ZNF318: variants seen among roughly 807,000 people sequenced by gnomAD.
ZNF318 encodes endocrine regulator.
ZNF318 carries 51 observed loss-of-function variants against 124.2 expected under a neutral mutation model. The ratio of observed to expected loss-of-function variants is 0.41; its 90% CI spans 0.33 to 0.52. ZNF318 has a LOEUF of 0.52. Among genes scored for constraint, ZNF318 ranks in the 20% least tolerant of loss-of-function variants. The probability of loss-of-function intolerance (pLI) is 0.23; values close to 1 mark genes in which losing one functional copy is unlikely to be tolerated. For missense variants in ZNF318, 2,815 were observed against 2,811.2 expected, an observed-to-expected ratio of 1.00 and a Z score of -0.03; for synonymous variants, 1,090 against 1,040.7, an observed-to-expected ratio of 1.05 and a Z score of -0.91.
rs2150747800 is a variant in ZNF318, at chr6:43,337,596, C to T, written c.6402G>A (p.Met2134Ile). 6.2e-7 allele frequency: 1 copy of T among 1,614,142 alleles called. No homozygotes were observed. The highest frequency in any genetic ancestry group is 1.1e-5 in the South Asian group (1 of 91,082). ...HQALDLLAGG[M>I]MPEEVKESSQ... The stretch of plus-strand genomic sequence containing the variant: ...AAGATTCTTTTACTTCCTCAGGCAT[C>T]ATTCCTCCTGCTAACAGGTCAAGGG... The change falls in exon 10 of 10, where the codon ATG becomes ATA. Residue 2134 changes from methionine to isoleucine, a missense_variant. Met to Ile is a conservative substitution (Grantham distance 10, BLOSUM62 1). Coordinates refer to ENST00000361428, the MANE Select transcript of ZNF318 (RefSeq NM_014345.3).
chr6:43,341,081 C>T (rs1306258448), intron 8 of ZNF318, among the ~76,000 whole-genome samples, 173 bp from the exon 9 acceptor site: 3 of 152,200 alleles, frequency 2.0e-5, no homozygotes, highest in Non-Finnish European at 4.4e-5. Context: ...GTCTTTCCAA[C>T]CTAAGGCTTG....
rs530448306 is a variant in ZNF318 at position 43,346,158 on chromosome 6, C to A, written c.3072+2166G>T. ...TGCAGTGAGCGAAGATCACGCCACA[C>A]GCCACAGAATAAGACTCTGTTTCAA... On this transcript the variant is annotated intron_variant, in intron 6 of 9. Coordinates refer to ENST00000361428, the MANE Select transcript of ZNF318 (RefSeq NM_014345.3). Among the ~76,000 whole-genome samples, 11 of 130,366 alleles carry A rather than the reference C, an allele frequency of 8.4e-5. No individual in the cohort carries two copies. In the South Asian group the frequency reaches 2.4e-3, roughly 28 times the overall value. The allele number at this position is 130,366 out of a possible 152,430, so 85.5% of individuals were successfully genotyped here. A position where few individuals can be genotyped will look rare whatever the true frequency, so the allele number is the denominator to read the frequency against.
In ZNF318 at chr6:43,355,294, C is replaced by T. The variant is rs1779587928; in HGVS notation, c.2040G>A (p.Glu680=). 2 of 1,614,204 alleles carry T rather than the reference C, an allele frequency of 1.2e-6. No individual in the cohort carries two copies. Among genetic ancestry groups the T allele is most frequent in the Non-Finnish European group, 1.7e-6 (2 of 1,180,034 alleles). The change falls in exon 4 of 10, where the codon GAG becomes GAA. Residue 680 remains glutamate, a synonymous_variant. Transcript: ENST00000361428. ...GAGAGTGGGTATTGCTATGATGTGC[C>T]TCCCTGCTCTCTAGTCTGTGGGGAT... The part of the protein sequence containing the change: ...SSDPHRLESR[E]AHHSNTHSPE...
chr6:43,369,037 C>T lies in ZNF318; in HGVS notation c.329G>A (p.Ser110Asn). 1 of 1,397,716 alleles carries T rather than the reference C, an allele frequency of 7.2e-7. No individual in the cohort carries two copies. Among genetic ancestry groups the T allele is most frequent in the Non-Finnish European group, 9.3e-7 (1 of 1,072,010 alleles). The allele number at this position is 1,397,716 out of a possible 1,614,324, so 86.6% of individuals were successfully genotyped here. A position where few individuals can be genotyped will look rare whatever the true frequency, so the allele number is the denominator to read the frequency against. ...PPGPAGFRGS[S>N]RGESRADYAR... ...ATAGTCGGCGCGGGACTCCCCCCGGCTGCTGCCTCTGAAGCCGGCCGGGCC... is the reference window on the plus strand; with the variant it reads ...ATAGTCGGCGCGGGACTCCCCCCGGTTGCTGCCTCTGAAGCCGGCCGGGCC... The change falls in exon 1 of 10, where the codon AGC becomes AAC. Residue 110 changes from serine (S) to asparagine (N), a missense_variant. Ser to Asn is a conservative substitution (Grantham distance 46). This residue lies in a region of ZNF318 where 1,377 missense variants were observed against 1,353.5 expected (regional missense o/e 1.02). Transcript: ENST00000361428.
rs767048071 is a variant in ZNF318 at position 43,338,156 on chromosome 6, A to G, written c.5842T>C (p.Phe1948Leu). 2 of 1,613,842 alleles carry G rather than the reference A, an allele frequency of 1.2e-6. No homozygotes were observed. Reference sequence around the variant, plus strand: ...AACTCATAGATCTTTTTAACTTGAAAGTCTTTTGATCTTTCTCTCTTGAGT... The same window carrying G: ...AACTCATAGATCTTTTTAACTTGAAGGTCTTTTGATCTTTCTCTCTTGAGT... The part of the protein sequence containing the change: ...LKLKRERSKD[F>L]QVKKIYELAV... The change falls in exon 10 of 10, where the codon TTT becomes CTT. Residue 1948 changes from phenylalanine to leucine, a missense_variant. Phe to Leu is a conservative substitution (Grantham distance 22). This residue lies in a region of ZNF318 where 927 missense variants were observed against 820.6 expected (regional missense o/e 1.13). Coordinates refer to ENST00000361428, the MANE Select transcript of ZNF318 (RefSeq NM_014345.3).
In ZNF318 at chr6:43,338,423, C is replaced by A; in HGVS notation, c.5575G>T (p.Ala1859Ser). Reference protein sequence around the residue: ...SKVVIKLSPQACSFTKAKLDS... With the variant: ...SKVVIKLSPQSCSFTKAKLDS... ...AATTTTGCCTTTGTGAAAGAGCAAG[C>A]CTGTGGACTCAATTTGATCACTACT... Residue 1859 changes from alanine to serine, a missense_variant, in exon 10 of 10, where the codon GCT becomes TCT. Ala to Ser is a moderately conservative substitution (Grantham distance 99). Coordinates refer to ENST00000361428, the MANE Select transcript of ZNF318 (RefSeq NM_014345.3). 2 of 1,614,196 alleles carry A rather than the reference C, an allele frequency of 1.2e-6. No individual in the cohort carries two copies.
intron 2 of ZNF318, among the ~76,000 whole-genome samples, chr6:43,358,468 T>C (rs1244188088): frequency 6.6e-6 from 1 of 150,598 alleles, no homozygotes; most frequent in Non-Finnish European, 1.5e-5. Context: ...TTCACCATGT[T>C]AGCCAGGATG....
At chr6:43,351,068 C>T (rs1779516957) in intron 5 of ZNF318, among the ~76,000 whole-genome samples, 1 of 152,204 alleles carries the variant, frequency 6.6e-6, no homozygotes, top group African/African-American at 2.4e-5. Flanking sequence ...ACACCTGATA[C>T]AAACTCAGCA....
At chr6:43,345,229 G>C (rs1407056749) in intron 6 of ZNF318, among the ~76,000 whole-genome samples, 1 of 131,242 alleles carries the variant, frequency 7.6e-6, no homozygotes, top group African/African-American at 2.8e-5. Flanking sequence ...TTAGGTGACA[G>C]AGTGAGACCC....
chr6:43,340,050 C>A lies in ZNF318; in HGVS notation c.3948G>T (p.Lys1316Asn), dbSNP rs1211229661. 1 of 1,614,202 alleles carries A rather than the reference C, an allele frequency of 6.2e-7. No individual in the cohort carries two copies. Among genetic ancestry groups the A allele is most frequent in the East Asian group, 2.2e-5 (1 of 44,882 alleles). The change falls in exon 10 of 10, where the codon AAG becomes AAT. Residue 1316 changes from lysine (K) to asparagine (N), a missense_variant. By Grantham distance (94) the Lys-to-Asn change is moderately conservative. Transcript: ENST00000361428. ...DKEDGKTEAGKAKPIKIKLSG... is the reference protein window; with the variant it reads ...DKEDGKTEAGNAKPIKIKLSG... ...AGAGCTTGATTTTGATAGGCTTTGC[C>A]TTCCCAGCTTCAGTTTTGCCATCCT...
chr6:43,356,410 A>G lies in ZNF318; in HGVS notation c.1189-265T>C, dbSNP rs376570463. On this transcript the variant is annotated intron_variant, in intron 3 of 9. Transcript: ENST00000361428. ...ATTTGTTAAAAGGAATTTGAATTCA[A>G]AAGAATTTTAGAGATCCCCTAGCTT... 8.5e-5 allele frequency among the ~76,000 whole-genome samples: 13 copies of G among 152,332 alleles called. 1 individual carries two copies. In the South Asian group the frequency reaches 2.7e-3, roughly 32 times the overall value.
intron 5 of ZNF318, 121 bp downstream of exon 5, chr6:43,352,256 T>TCACCACCATCATCTAGGAG: frequency 1.4e-6 from 1 of 723,582 alleles, no homozygotes; most frequent in Admixed American, 2.8e-5. Flanking sequence ...TTTGTAAGTT[T>TCACCACCATCATCTAGGAG]AATTACGTCA....
In ZNF318 at chr6:43,339,636, T is replaced by TGGTGGAGGTGGTGGA. The variant is rs1207692107; in HGVS notation, c.4347_4361dup (p.Pro1452_Pro1456dup). Reference sequence around the variant, plus strand: ...CAGCTGGATGAGGTATAACGGGGGGTGGTGGAGGTGGTGGAGGTGGGGGTG... The same window carrying TGGTGGAGGTGGTGGA: ...CAGCTGGATGAGGTATAACGGGGGGTGGTGGAGGTGGTGGAGGTGGAGGTGGTGGAGGTGGGGGTG... On this transcript the variant is annotated inframe_insertion, in exon 10 of 10. Transcript: ENST00000361428. The surrounding 1 kb of genome is among the most constrained non-coding windows in gnomAD (Gnocchi z 4.2). The TGGTGGAGGTGGTGGA allele has an allele frequency of 2.6e-6, 3 of 1,137,052 alleles. No individual in the cohort carries two copies. In the African/African-American group the frequency reaches 5.8e-5, roughly 22 times the overall value. 70.4% of individuals were successfully genotyped at this position (1,137,052 alleles called of 1,614,324 possible). A position where few individuals can be genotyped will look rare whatever the true frequency, so the allele number is the denominator to read the frequency against.
chr6:43,367,059 C>A (rs574417046), intron 1 of ZNF318, among the ~76,000 whole-genome samples: 1 of 152,282 alleles, frequency 6.6e-6, no homozygotes, highest in African/African-American at 2.4e-5. Context: ...ACCGTGTTAG[C>A]CAACATGGTC....
chr6:43,348,724 G>T, intron 5 of ZNF318, 99 bp from the exon 6 acceptor site: 1 of 1,378,438 alleles, frequency 7.3e-7, no homozygotes, highest in Non-Finnish European at 9.8e-7. Context: ...TGGTTACAAA[G>T]TCTTTGCCCA....
Position 43,357,171 on chromosome 6 carries a change from A to T in ZNF318, c.1143T>A (p.Ile381=), listed in dbSNP as rs138417093. ...EEVSVMPKKS[I]LKKRIEVDIM... ...TGTCCACCTCAATCCGCTTCTTCAA[A>T]ATGGATTTCTTGGGCATCACAGATA... The change falls in exon 3 of 10, where the codon ATT becomes ATA. Residue 381 remains isoleucine (I), a synonymous_variant. Coordinates refer to ENST00000361428, the MANE Select transcript of ZNF318 (RefSeq NM_014345.3). 2.5e-6 allele frequency: 4 copies of T among 1,614,018 alleles called. No individual in the cohort carries two copies. In the African/African-American group the frequency reaches 5.3e-5, roughly 22 times the overall value.
In ZNF318 at chr6:43,357,237, T is replaced by G; in HGVS notation, c.1077A>C (p.Thr359=). The change falls in exon 3 of 10, where the codon ACA becomes ACC. Residue 359 remains threonine, a synonymous_variant. Transcript: ENST00000361428. ...GCAAAGAATATCCTGGCTCCGATGC[T>G]GTTAGGACACCTGACAATCCAGGGA... The part of the protein sequence containing the change: ...CSIPGLSGVL[T]ASEPGYSLHR... 6.2e-7 allele frequency: 1 copy of G among 1,614,192 alleles called. No homozygotes were observed. The highest frequency in any genetic ancestry group is 1.1e-5 in the South Asian group (1 of 91,078).
At position 43,337,699 on chromosome 6, in the gene ZNF318, G is replaced by A; in HGVS notation, c.6299C>T (p.Pro2100Leu). The A allele has an allele frequency of 6.2e-7, 1 of 1,614,130 alleles. No homozygotes were observed. The highest frequency in any genetic ancestry group is 8.5e-7 in the Non-Finnish European group (1 of 1,180,012). ...TCCAGTTTTCAAAATGTTAGGAGAAGGGATCCTAACACTCCTGGGATTAGG... is the reference window on the plus strand; with the variant it reads ...TCCAGTTTTCAAAATGTTAGGAGAAAGGATCCTAACACTCCTGGGATTAGG... ...NSPNPRSVRI[P>L]SPNILKTGLT... Residue 2100 changes from proline (P) to leucine (L), a missense_variant, in exon 10 of 10, where the codon CCT becomes CTT. Pro to Leu is a moderately conservative substitution (Grantham distance 98, BLOSUM62 -3). This residue lies in a region of ZNF318 where 927 missense variants were observed against 820.6 expected (regional missense o/e 1.13). Coordinates refer to ENST00000361428, the MANE Select transcript of ZNF318 (RefSeq NM_014345.3).
rs781361517 is a variant in ZNF318, at chr6:43,354,995, C to T, written c.2339G>A (p.Gly780Glu). 1.2e-6 allele frequency: 2 copies of T among 1,610,904 alleles called. No individual in the cohort carries two copies. The highest frequency in any genetic ancestry group is 1.7e-6 in the Non-Finnish European group (2 of 1,178,248). The change falls in exon 4 of 10, where the codon GGA becomes GAA. Residue 780 changes from glycine (G) to glutamate (E), a missense_variant. By Grantham distance (98) the Gly-to-Glu change is moderately conservative (BLOSUM62 -2). This residue lies in a region of ZNF318 where 1,377 missense variants were observed against 1,353.5 expected (regional missense o/e 1.02). Coordinates refer to ENST00000361428, the MANE Select transcript of ZNF318 (RefSeq NM_014345.3). ...AAAAGAGGCAGGGGGAATGGCAGGT[C>T]CCTGGTAGTTCGGAGGTATCCGAGC... ...AAARIPPNYQ[G>E]PAIPPASFDA...
Sources: gnomAD v4.1 joint callset for allele counts (sites outside exome capture counted in the v4.1 genomes callset) on GRCh38, gnomAD v4.1.1 for gene constraint, gnomAD v4.1.1 regional missense constraint, Gnocchi (gnomAD v3.1) non-coding constraint, MANE v1.5 for transcripts, NCBI Gene and HGNC (gene_info 2026-07-23, HGNC 2026-07-21) for gene names.